The following ZNF804A variants were observed in gnomAD, a reference collection of about 807,000 sequenced individuals.
The protein encoded by ZNF804A is zinc finger protein 804A.
ZNF804A carries 2 observed loss-of-function variants against 16.5 expected under a neutral mutation model. The observed-to-expected ratio is 0.12, with a 90% confidence interval of 0.05 to 0.38. The LOEUF (loss-of-function observed/expected upper bound fraction) is 0.38. ZNF804A is among the 10% of genes least tolerant of loss of function. The pLI, the probability that ZNF804A is intolerant of heterozygous loss-of-function variation, is 0.99. For missense variants in ZNF804A, 1,473 were observed against 1,390.7 expected (o/e 1.06, Z -0.94); for synonymous variants, 534 against 489.6 (o/e 1.09, Z -1.20).
chr2:184,881,434 G>C (rs914352190), intron 2 of ZNF804A, among the ~76,000 whole-genome samples: 1 of 151,746 alleles, frequency 6.6e-6, no homozygotes, highest in African/African-American at 2.4e-5. Flanking sequence ...AAGATACTAC[G>C]TGAGAAAACA....
intron 1 of ZNF804A, among the ~76,000 whole-genome samples, chr2:184,716,657 G>A (rs1040067189): frequency 6.6e-6 from 1 of 152,004 alleles, no homozygotes; most frequent in African/African-American, 2.4e-5. Flanking sequence ...ATGCTTACAT[G>A]GAGTGAATAA....
At chr2:184,633,579 A>G (rs1691645846) in intron 1 of ZNF804A, among the ~76,000 whole-genome samples, 1 of 152,196 alleles carries the variant, frequency 6.6e-6, no homozygotes. Context: ...TCTTCAAATT[A>G]TAAGGTTTTT....
rs1694601359 is a variant in ZNF804A, at chr2:184,794,536, C to A, written c.112-71833C>A. 2.0e-5 allele frequency among the ~76,000 whole-genome samples: 3 copies of A among 151,828 alleles called. No individual in the cohort carries two copies. In the South Asian group the frequency reaches 6.2e-4, roughly 32 times the overall value. Reference sequence around the variant, plus strand: ...AGTCTGTGAGTTGTCTGTTTACTGACTTCCTTTTGCCTTAAATCTCATAGT... The same window carrying A: ...AGTCTGTGAGTTGTCTGTTTACTGAATTCCTTTTGCCTTAAATCTCATAGT... On this transcript the variant is annotated intron_variant, in intron 1 of 3. Transcript: ENST00000302277.
intron 1 of ZNF804A, among the ~76,000 whole-genome samples, chr2:184,603,164 G>T (rs1691077787): frequency 6.6e-6 from 1 of 152,054 alleles, no homozygotes; most frequent in African/African-American, 2.4e-5. Context: ...CAAAATATTT[G>T]TTATTTAGTT....
rs190775490 is a variant in ZNF804A at position 184,874,191 on chromosome 2, T to C, written c.255+7679T>C. ...GATACAGACATGATTAATCTCTCTT[T>C]AGAAAATGGAAAATGATGAATACAA... On this transcript the variant is annotated intron_variant, in intron 2 of 3. Coordinates refer to ENST00000302277, the MANE Select transcript of ZNF804A (RefSeq NM_194250.2). Among the ~76,000 whole-genome samples the C allele has an allele frequency of 3.9e-5, 6 of 152,240 alleles. No individual in the cohort carries two copies. The East Asian group carries it at 9.6e-4, about 24-fold the overall frequency.
At chr2:184,765,318 C>T (rs192391932) in intron 1 of ZNF804A, among the ~76,000 whole-genome samples, 1 of 152,212 alleles carries the variant, frequency 6.6e-6, no homozygotes, top group Admixed American at 6.5e-5. Context: ...GAGAGCACCC[C>T]TCCTGTCGTC....
At chr2:184,931,271 G>C (rs1366033365) in intron 2 of ZNF804A, among the ~76,000 whole-genome samples, 2 of 152,206 alleles carry the variant, frequency 1.3e-5, no homozygotes, top group Non-Finnish European at 2.9e-5. Context: ...CTCTATGTGG[G>C]GGATCCCACT....
At chr2:184,602,072 G>A (rs1478378639) in intron 1 of ZNF804A, among the ~76,000 whole-genome samples, 2 of 151,844 alleles carry the variant, frequency 1.3e-5, no homozygotes, top group Non-Finnish European at 2.9e-5. Context: ...CATTCATATT[G>A]AGAAGATAGT....
chr2:184,744,877 A>G (rs760991468), intron 1 of ZNF804A, among the ~76,000 whole-genome samples: 3 of 151,844 alleles, frequency 2.0e-5, no homozygotes, highest in Non-Finnish European at 2.9e-5. Flanking sequence ...TATTATTTTA[A>G]GTAGATTTTC....
intron 1 of ZNF804A, among the ~76,000 whole-genome samples, chr2:184,721,749 G>A (rs1270793753): frequency 1.3e-5 from 2 of 152,036 alleles, no homozygotes; most frequent in African/African-American, 2.4e-5. Flanking sequence ...TGTATTTATT[G>A]AAAGGAAATA....
At chr2:184,652,071 G>T (rs932991850) in intron 1 of ZNF804A, among the ~76,000 whole-genome samples, 3 of 152,070 alleles carry the variant, frequency 2.0e-5, no homozygotes, top group Non-Finnish European at 4.4e-5. Context: ...ATAAAGAAAA[G>T]GTGGTAAATA....
chr2:184,938,495 A>G lies in ZNF804A; in HGVS notation c.3099A>G (p.Ala1033=). The G allele has an allele frequency of 3.7e-6, 6 of 1,614,118 alleles. No homozygotes were observed. The highest frequency in any genetic ancestry group is 5.1e-6 in the Non-Finnish European group (6 of 1,180,016). Residue 1033 remains alanine, a synonymous_variant, in exon 4 of 4, where the codon GCA becomes GCG. Coordinates refer to ENST00000302277, the MANE Select transcript of ZNF804A (RefSeq NM_194250.2). Reference sequence around the variant, plus strand: ...CTCCATTAGCTTTACCAGAGCAAGCATTATTGATCCCACTAGAAAACCATG... The same window carrying G: ...CTCCATTAGCTTTACCAGAGCAAGCGTTATTGATCCCACTAGAAAACCATG... ...ILAPLALPEQ[A]LLIPLENHDK... is the part of the protein sequence containing the mutation.
At chr2:184,760,412 T>C (rs907179804) in intron 1 of ZNF804A, among the ~76,000 whole-genome samples, 2 of 152,134 alleles carry the variant, frequency 1.3e-5, no homozygotes, top group Non-Finnish European at 2.9e-5. Flanking sequence ...AGATAATAGA[T>C]CTAAGTTAAA....
At chr2:184,617,756 A>G (rs1691350141) in intron 1 of ZNF804A, among the ~76,000 whole-genome samples, 1 of 151,562 alleles carries the variant, frequency 6.6e-6, no homozygotes, top group East Asian at 1.9e-4. Context: ...CCTTTGATTA[A>G]TCTTCTCTAA....
chr2:184,607,916 T>C (rs1373775746), intron 1 of ZNF804A, among the ~76,000 whole-genome samples: 2 of 143,526 alleles, frequency 1.4e-5, no homozygotes, highest in Non-Finnish European at 3.0e-5. Context: ...CTGCACACCA[T>C]GGAGAACCTT....
At chr2:184,707,826 G>A (rs1305894101) in intron 1 of ZNF804A, among the ~76,000 whole-genome samples, 2 of 152,096 alleles carry the variant, frequency 1.3e-5, no homozygotes, top group Non-Finnish European at 2.9e-5. Flanking sequence ...AGATTGCTGG[G>A]TGGAATGGTA....
chr2:184,642,933 A>T (rs1234227404), intron 1 of ZNF804A, among the ~76,000 whole-genome samples: 2 of 152,130 alleles, frequency 1.3e-5, no homozygotes, highest in East Asian at 3.8e-4. Context: ...TATTGAAGAG[A>T]ATACGTGTTA....
chr2:184,893,483 T>C (rs1414101539), intron 2 of ZNF804A, among the ~76,000 whole-genome samples: 1 of 152,132 alleles, frequency 6.6e-6, no homozygotes, highest in Non-Finnish European at 1.5e-5. Context: ...AGCAAATTGC[T>C]AGGATCATTA....
chr2:184,721,109 G>A (rs1000190082), intron 1 of ZNF804A, among the ~76,000 whole-genome samples: 1 of 152,040 alleles, frequency 6.6e-6, no homozygotes, highest in African/African-American at 2.4e-5. Context: ...ATGAATGAAA[G>A]ACTTAAACAT....
Sources: allele counts gnomAD v4.1 joint callset (sites outside exome capture counted in the v4.1 genomes callset), GRCh38; gene constraint gnomAD v4.1.1; transcripts MANE v1.5; gene names NCBI Gene and HGNC (gene_info 2026-07-23, HGNC 2026-07-21).